Variants in AK9 observed in about 807,000 individuals in gnomAD.
AK9 encodes the protein adenylate kinase domain containing 1.
A neutral mutation model predicts 239.6 loss-of-function variants in AK9; 191 were observed. The ratio of observed to expected loss-of-function variants is 0.80; its 90% CI spans 0.71 to 0.90. The LOEUF is 0.90. AK9 is among the 40% of genes least tolerant of loss of function. The probability of loss-of-function intolerance (pLI) is 0.00; values close to 1 mark genes in which losing one functional copy is unlikely to be tolerated. For missense variants in AK9, 1,995 were observed against 2,214.7 expected (o/e 0.90, Z 1.99); for synonymous variants, 689 against 721.0 (o/e 0.96, Z 0.71).
At chr6:109,621,105 A>C (rs1332832808) in intron 12 of AK9, among the ~76,000 whole-genome samples, 1 of 148,686 alleles carries the variant, frequency 6.7e-6, no homozygotes, top group Non-Finnish European at 1.5e-5. Flanking sequence ...ACTTCTCAAA[A>C]GAAGACATTT....
chr6:109,520,698 T>C (rs1389659893), intron 29 of AK9, among the ~76,000 whole-genome samples: 1 of 152,132 alleles, frequency 6.6e-6, no homozygotes, highest in Non-Finnish European at 1.5e-5. Context: ...GATTGAATAG[T>C]ATGGCCATTT....
intron 17 of AK9, among the ~76,000 whole-genome samples, chr6:109,603,750 C>T (rs1792426359): frequency 6.6e-6 from 1 of 152,168 alleles, no homozygotes; most frequent in Non-Finnish European, 1.5e-5. Flanking sequence ...GCTTTGTTTA[C>T]CTACTCAAGC....
At chr6:109,691,004 C>G (rs1319885182) in intron 1 of AK9, 143 bp downstream of exon 1, 2 of 234,222 alleles carry the variant, frequency 8.5e-6, no homozygotes, top group Non-Finnish European at 1.7e-5. Flanking sequence ...ACACAAGGAT[C>G]TATCCTGCAA....
At position 109,563,597 on chromosome 6, in the gene AK9, C is replaced by T; in HGVS notation, c.2751G>A (p.Glu917=). Residue 917 remains glutamate, a splice_region_variant and synonymous_variant, in exon 24 of 41, where the codon GAG becomes GAA. Transcript: ENST00000424296. The stretch of plus-strand genomic sequence containing the variant: ...ATGAGTAGAAATAAAAGAATCATGC[C>T]TCTTCCTCTTCCTCTTCCTCTAGCT... ...DEELEEEEEE[E]GEDKMKERKR... is the part of the protein sequence containing the mutation. The T allele has an allele frequency of 6.5e-7, 1 of 1,548,628 alleles. No homozygotes were observed. Among genetic ancestry groups the T allele is most frequent in the Non-Finnish European group, 8.7e-7 (1 of 1,146,012 alleles).
chr6:109,574,153 T>C (rs541385343), intron 20 of AK9, among the ~76,000 whole-genome samples: 11 of 152,330 alleles, frequency 7.2e-5, no homozygotes, highest in African/African-American at 2.4e-4. Flanking sequence ...TTGATTTTCT[T>C]ACAGCTAACT....
chr6:109,497,985 G>A lies in AK9; in HGVS notation c.5047-20C>T, dbSNP rs544085147. 6.2e-7 allele frequency: 1 copy of A among 1,611,082 alleles called. No individual in the cohort carries two copies. On this transcript the variant is annotated intron_variant, in intron 36 of 40. Coordinates refer to ENST00000424296, the MANE Select transcript of AK9 (RefSeq NM_001145128.3). ...GAATTTCTATTAAAAAAGAATTCCA[G>A]TAGCAACATGATTTAAACCAGAAAT...
chr6:109,521,952 C>G (rs1300423423), intron 29 of AK9, among the ~76,000 whole-genome samples: 1 of 152,012 alleles, frequency 6.6e-6, no homozygotes, highest in Non-Finnish European at 1.5e-5. Flanking sequence ...CAATTGGCTA[C>G]TCTTTTCAGG....
At chr6:109,620,366 T>C (rs915139319) in intron 12 of AK9, among the ~76,000 whole-genome samples, 1 of 152,192 alleles carries the variant, frequency 6.6e-6, no homozygotes, top group Non-Finnish European at 1.5e-5. Context: ...AAGTATCTCA[T>C]TGTAGATTAA....
In AK9 at chr6:109,493,926, T is replaced by G. The variant is rs1047770433; in HGVS notation, c.5533+55A>C. 2.3e-6 allele frequency: 3 copies of G among 1,317,994 alleles called. No individual in the cohort carries two copies. The East Asian group carries it at 7.0e-5, about 31-fold the overall frequency. The allele number at this position is 1,317,994 out of a possible 1,614,324, so 81.6% of individuals were successfully genotyped here. The stretch of plus-strand genomic sequence containing the variant: ...GTTTAACAATCCTATTCATCACTTA[T>G]ACTACCATTAATGTTAAATTTGTTC... On this transcript the variant is annotated intron_variant, in intron 40 of 40. Coordinates refer to ENST00000424296, the MANE Select transcript of AK9 (RefSeq NM_001145128.3).
chr6:109,562,629 C>T (rs80129428), intron 24 of AK9, among the ~76,000 whole-genome samples: 7,196 of 152,210 alleles, frequency 0.047, 562 homozygotes, highest in African/African-American at 0.16. Context: ...CAGTTTGATC[C>T]TTTTGGCTCT....
intron 29 of AK9, among the ~76,000 whole-genome samples, chr6:109,526,056 T>C (rs1358053020): frequency 2.6e-5 from 4 of 152,182 alleles, no homozygotes; most frequent in Non-Finnish European, 4.4e-5. Context: ...AACTACTGCA[T>C]GTTCTCATAA....
intron 19 of AK9, among the ~76,000 whole-genome samples, chr6:109,582,604 T>C (rs1051045251): frequency 1.3e-5 from 2 of 152,316 alleles, no homozygotes; most frequent in East Asian, 3.9e-4. Context: ...GAAAAGAAAT[T>C]GGTTTCTTGA....
In AK9 at chr6:109,641,614, A is replaced by T; in HGVS notation, c.837T>A (p.Ile279=). The change falls in exon 10 of 41, where the codon ATT becomes ATA. Residue 279 remains isoleucine, a splice_region_variant and synonymous_variant. Transcript: ENST00000424296. ...TCAGATATTTAAGTCGATCCATAACAATCTAGATTTAAAGAACAGATATTT... is the reference window on the plus strand; with the variant it reads ...TCAGATATTTAAGTCGATCCATAACTATCTAGATTTAAAGAACAGATATTT... ...GNKPAEELFM[I]VMDRLKYLNL... The T allele has an allele frequency of 6.2e-7, 1 of 1,608,126 alleles. No homozygotes were observed. The highest frequency in any genetic ancestry group is 8.5e-7 in the Non-Finnish European group (1 of 1,174,682).
chr6:109,501,631 A>T (rs1018030328), intron 35 of AK9, among the ~76,000 whole-genome samples: 2 of 152,228 alleles, frequency 1.3e-5, no homozygotes, highest in Non-Finnish European at 2.9e-5. Flanking sequence ...TGGCATCAGC[A>T]CTACTCCTAA....
In AK9 at chr6:109,570,222, T is replaced by C. The variant is rs527501257; in HGVS notation, c.2344+3220A>G. 1.2e-3 allele frequency among the ~76,000 whole-genome samples: 184 copies of C among 151,974 alleles called. 1 individual carries two copies. The highest frequency in any genetic ancestry group is 3.5e-3 in the Admixed American group (53 of 15,250). On this transcript the variant is annotated intron_variant, in intron 21 of 40. Coordinates refer to ENST00000424296, the MANE Select transcript of AK9 (RefSeq NM_001145128.3). ...GCATGTTTTCACTCATAGGTGGAAATTGAACAATGAGAACACTTGGACACA... is the reference window on the plus strand; with the variant it reads ...GCATGTTTTCACTCATAGGTGGAAACTGAACAATGAGAACACTTGGACACA...
At chr6:109,536,266 G>T (rs992756745) in intron 27 of AK9, among the ~76,000 whole-genome samples, 1 of 152,032 alleles carries the variant, frequency 6.6e-6, no homozygotes, top group Non-Finnish European at 1.5e-5. Context: ...ATTTGTTTGT[G>T]TCCTCTTTTA....
intron 21 of AK9, among the ~76,000 whole-genome samples, chr6:109,568,872 T>A (rs2128190106): frequency 6.6e-6 from 1 of 152,282 alleles, no homozygotes; most frequent in South Asian, 2.1e-4. Context: ...ATTTATAGAT[T>A]CAATGCCATC....
intron 17 of AK9, among the ~76,000 whole-genome samples, chr6:109,592,597 C>T (rs1024039806): frequency 1.3e-5 from 2 of 151,972 alleles, no homozygotes; most frequent in African/African-American, 2.4e-5. Context: ...CAGGCGCCTG[C>T]CACCTCGCCC....
In AK9 at chr6:109,585,969, T is replaced by C. The variant is rs1789457598; in HGVS notation, c.1946A>G (p.Lys649Arg). 2 of 1,551,426 alleles carry C rather than the reference T, an allele frequency of 1.3e-6. No individual in the cohort carries two copies. The highest frequency in any genetic ancestry group is 4.9e-5 in the East Asian group (2 of 40,894). The change falls in exon 18 of 41, where the codon AAG becomes AGG. Residue 649 changes from lysine to arginine, a missense_variant. By Grantham distance (26) the Lys-to-Arg change is conservative. Coordinates refer to ENST00000424296, the MANE Select transcript of AK9 (RefSeq NM_001145128.3). The part of the protein sequence containing the change: ...IVKELWMALI[K>R]KGIIPDLVIY... The stretch of plus-strand genomic sequence containing the variant: ...GACCAAATCAGGTATAATTCCTTTC[T>C]TGATTAAGGCCATCCACAATTCTTT...
Sources: gnomAD v4.1 joint callset for allele counts (sites outside exome capture counted in the v4.1 genomes callset) on GRCh38, gnomAD v4.1.1 for gene constraint, MANE v1.5 for transcripts, NCBI Gene and HGNC (gene_info 2026-07-23, HGNC 2026-07-21) for gene names.